PTK2: variants seen among roughly 807,000 people sequenced by gnomAD.
PTK2 encodes the protein protein tyrosine kinase 2, also known as focal adhesion kinase 1.
A neutral mutation model predicts 150.1 loss-of-function variants in PTK2; 45 were observed. The ratio of observed to expected loss-of-function variants is 0.30; its 90% confidence interval spans 0.24 to 0.38. PTK2 has a LOEUF of 0.38. Among genes scored for constraint, PTK2 ranks in the 10% least tolerant of loss-of-function variants. The pLI is 1.00. For synonymous variants in PTK2, 432 were observed against 449.2 expected, an observed-to-expected ratio of 0.96 and a Z score of 0.48; for missense variants, 919 against 1,307.3, an observed-to-expected ratio of 0.70 and a Z score of 4.58.
At chr8:140,890,883 G>C in intron 2 of PTK2, 114 bp from the exon 3 acceptor site, 1 of 901,112 alleles carries the variant, frequency 1.1e-6, no homozygotes. Context: ...GTTATATGCG[G>C]AAGGAGTCTG....
intron 22 of PTK2, among the ~76,000 whole-genome samples, chr8:140,725,474 C>T (rs1023089885): frequency 2.6e-5 from 4 of 152,288 alleles, no homozygotes; most frequent in Admixed American, 2.0e-4. Flanking sequence ...AGGAAGAGAA[C>T]GGCACTGGGT....
chr8:140,699,748 A>T (rs1194395238), intron 26 of PTK2, among the ~76,000 whole-genome samples: 5 of 152,202 alleles, frequency 3.3e-5, no homozygotes, highest in Non-Finnish European at 5.9e-5. Context: ...ACACTACTAA[A>T]ATTTTAGAGA....
rs757448480 is a variant in PTK2 at position 140,769,607 on chromosome 8, G to A, written c.1178-5317C>T. On this transcript the variant is annotated intron_variant, in intron 14 of 31. Transcript: ENST00000522684. Reference sequence around the variant, plus strand: ...ACTAATTTCATCTGCAGATCCGGGTGGCATGCAAAGAAAGGGAAGTAGGGA... The same window carrying A: ...ACTAATTTCATCTGCAGATCCGGGTAGCATGCAAAGAAAGGGAAGTAGGGA... The A allele has an allele frequency of 1.5e-6, 2 of 1,359,458 alleles. No homozygotes were observed. Among genetic ancestry groups the A allele is most frequent in the Admixed American group, 1.9e-5 (1 of 52,576 alleles). 84.2% of individuals were successfully genotyped at this position (1,359,458 alleles called of 1,614,324 possible).
intron 16 of PTK2, among the ~76,000 whole-genome samples, chr8:140,757,599 A>T (rs2100066608): frequency 6.6e-6 from 1 of 152,216 alleles, no homozygotes; most frequent in African/African-American, 2.4e-5. Flanking sequence ...TGTAAAGGAC[A>T]TTAAAAATGC....
intron 4 of PTK2, 79 bp from the exon 5 acceptor site, chr8:140,864,478 G>A: frequency 1.4e-6 from 1 of 699,358 alleles, no homozygotes. Context: ...AATATTGTGA[G>A]TATAGCATTC....
intron 29 of PTK2, among the ~76,000 whole-genome samples, chr8:140,673,269 A>G (rs1333160531): frequency 1.3e-5 from 2 of 151,960 alleles, no homozygotes; most frequent in African/African-American, 4.8e-5. Context: ...CACCACGCCC[A>G]GCTAATTTCT....
intron 15 of PTK2, among the ~76,000 whole-genome samples, chr8:140,761,645 C>T (rs1486161982): frequency 1.3e-5 from 2 of 151,978 alleles, no homozygotes. Flanking sequence ...GCTATAAAAG[C>T]ACAGTTATTA....
intron 1 of PTK2, among the ~76,000 whole-genome samples, chr8:140,980,449 C>T (rs568108665): frequency 8.6e-5 from 13 of 151,784 alleles, no homozygotes; most frequent in Non-Finnish European, 1.6e-4. Flanking sequence ...GGTGAAACCC[C>T]GTCTCTACTA....
intron 1 of PTK2, among the ~76,000 whole-genome samples, chr8:141,000,260 A>T (rs2100199574): frequency 6.6e-6 from 1 of 152,168 alleles, no homozygotes; most frequent in East Asian, 1.9e-4. Flanking sequence ...TGGGAAGCAC[A>T]ATGACTCCAG....
At chr8:140,739,991 C>T (rs964969286) in intron 20 of PTK2, among the ~76,000 whole-genome samples, 1 of 152,154 alleles carries the variant, frequency 6.6e-6, no homozygotes, top group African/African-American at 2.4e-5. Flanking sequence ...AATGCATCAG[C>T]GCAGACTACA....
intron 3 of PTK2, among the ~76,000 whole-genome samples, chr8:140,880,033 G>T (rs1332585426): frequency 1.3e-5 from 2 of 152,118 alleles, no homozygotes; most frequent in East Asian, 3.9e-4. Context: ...CCAAGGAGGG[G>T]TTATACTTTC....
chr8:140,827,124 C>T (rs1395034337), intron 8 of PTK2, among the ~76,000 whole-genome samples: 1 of 152,076 alleles, frequency 6.6e-6, no homozygotes, highest in African/African-American at 2.4e-5. Flanking sequence ...GATCATACTG[C>T]ACACTCTGCA....
chr8:140,665,911 G>C (rs934494333), intron 30 of PTK2, among the ~76,000 whole-genome samples: 3 of 152,180 alleles, frequency 2.0e-5, no homozygotes, highest in Non-Finnish European at 4.4e-5. Flanking sequence ...CTGTTATGTG[G>C]ATACACTTTA....
At chr8:140,926,881 C>A (rs928984131) in intron 1 of PTK2, among the ~76,000 whole-genome samples, 3 of 152,112 alleles carry the variant, frequency 2.0e-5, no homozygotes, top group African/African-American at 7.2e-5. Context: ...AAAACCCTGA[C>A]CTTATTAATC....
intron 17 of PTK2, among the ~76,000 whole-genome samples, chr8:140,751,367 C>T (rs1053740528): frequency 2.1e-4 from 32 of 152,058 alleles, no homozygotes; most frequent in African/African-American, 7.2e-4. Context: ...TTCATAGAGA[C>T]GGGGTTTCAC....
intron 14 of PTK2, among the ~76,000 whole-genome samples, chr8:140,773,577 G>T (rs758154042): frequency 2.0e-5 from 3 of 152,156 alleles, no homozygotes; most frequent in Non-Finnish European, 2.9e-5. Context: ...CCTTGGCTCT[G>T]CAGAGGTCAG....
rs2100160876 is a variant in PTK2, at chr8:140,906,388, ATCCCCAT to A, written c.-32-15626_-32-15620del. On this transcript the variant is annotated intron_variant, in intron 2 of 31. Transcript: ENST00000522684. ...ATCAGTATATTGAAGTGATATCTGC[ATCCCCAT>A]TCTTATTACAGCCCTATTCACAACA... Among the ~76,000 whole-genome samples the A allele has an allele frequency of 3.3e-5, 5 of 152,360 alleles. No individual in the cohort carries two copies. The South Asian group carries it at 1.0e-3, about 32-fold the overall frequency.
At chr8:140,737,298 T>C (rs2100053142) in intron 21 of PTK2, among the ~76,000 whole-genome samples, 1 of 152,148 alleles carries the variant, frequency 6.6e-6, no homozygotes, top group Admixed American at 6.5e-5. Flanking sequence ...AGATGGGGTC[T>C]TGCTAAGTTG....
chr8:140,746,248 T>C (rs1488326245), intron 18 of PTK2, among the ~76,000 whole-genome samples: 1 of 152,056 alleles, frequency 6.6e-6, no homozygotes, highest in Non-Finnish European at 1.5e-5. Flanking sequence ...GGGAGATCGC[T>C]TGAGCCCAGG....
Sources: gnomAD v4.1 joint callset for allele counts (sites outside exome capture counted in the v4.1 genomes callset) on GRCh38, gnomAD v4.1.1 for gene constraint, MANE v1.5 for transcripts, NCBI Gene and HGNC (gene_info 2026-07-23, HGNC 2026-07-21) for gene names.